The following MBOAT2 variants were observed in gnomAD, a reference collection of about 807,000 sequenced individuals.
MBOAT2 encodes membrane bound glycerophospholipid O-acyltransferase 2, also known as membrane-bound glycerophospholipid O-acyltransferase 2.
A neutral mutation model predicts 63.4 loss-of-function variants in MBOAT2; 28 were observed. The observed-to-expected ratio is 0.44, with a 90% CI of 0.33 to 0.61. The LOEUF (loss-of-function observed/expected upper bound fraction) is 0.61, where lower values mean the gene tolerates loss of function less well. Among genes scored for constraint, MBOAT2 ranks in the 20% least tolerant of loss-of-function variants. The pLI is 0.03. For synonymous variants in MBOAT2, 211 were observed against 215.6 expected (o/e 0.98, Z 0.19); for missense variants, 470 against 605.8 (o/e 0.78, Z 2.35).
chr2:8,882,238 G>A (rs1251571089), intron 6 of MBOAT2, among the ~76,000 whole-genome samples: 3 of 152,238 alleles, frequency 2.0e-5, no homozygotes, highest in Admixed American at 1.3e-4. Flanking sequence ...GGAACTCAGA[G>A]TCTCATAGGG....
At chr2:8,937,257 A>G (rs1469799330) in intron 3 of MBOAT2, among the ~76,000 whole-genome samples, 1 of 152,232 alleles carries the variant, frequency 6.6e-6, no homozygotes, top group African/African-American at 2.4e-5. Flanking sequence ...GGCAGGGGCC[A>G]TGGCTGGGAA....
chr2:8,877,817 G>A (rs956415390), intron 6 of MBOAT2, among the ~76,000 whole-genome samples: 1 of 152,048 alleles, frequency 6.6e-6, no homozygotes, highest in African/African-American at 2.4e-5. Flanking sequence ...CCAGGCAGAG[G>A]GAATGATGCG....
At chr2:8,931,844 T>C (rs939199168) in intron 3 of MBOAT2, among the ~76,000 whole-genome samples, 5 of 152,206 alleles carry the variant, frequency 3.3e-5, no homozygotes, top group African/African-American at 1.2e-4. Context: ...AAATAGGGAA[T>C]CCTTTCCCCG....
chr2:8,910,635 A>G (rs1000876488), intron 3 of MBOAT2, among the ~76,000 whole-genome samples: 3 of 152,166 alleles, frequency 2.0e-5, no homozygotes, highest in Non-Finnish European at 4.4e-5. Context: ...CTGATAGATA[A>G]AAAAAAGTTT....
intron 3 of MBOAT2, among the ~76,000 whole-genome samples, chr2:8,918,316 C>G (rs2148604690): frequency 6.6e-6 from 1 of 152,322 alleles, no homozygotes; most frequent in Non-Finnish European, 1.5e-5. Context: ...CAGTTTGCAT[C>G]TTTTCTCCAT....
chr2:8,896,272 GTGT>G (rs1371637413), intron 4 of MBOAT2, among the ~76,000 whole-genome samples: 1 of 151,694 alleles, frequency 6.6e-6, no homozygotes, highest in East Asian at 1.9e-4. Context: ...GTTGTGAAAG[GTGT>G]TGTCTGATTG....
intron 4 of MBOAT2, 156 bp downstream of exon 4, chr2:8,908,461 CTACT>C: frequency 1.8e-6 from 1 of 559,920 alleles, no homozygotes; most frequent in South Asian, 2.6e-5. Flanking sequence ...ACTAAAAAGA[CTACT>C]TACAAGAGAG....
chr2:8,979,437 T>C (rs1184131589), intron 1 of MBOAT2, among the ~76,000 whole-genome samples: 1 of 152,124 alleles, frequency 6.6e-6, no homozygotes, highest in Non-Finnish European at 1.5e-5. Context: ...GATGAATGAT[T>C]TTCTAGGAAA....
chr2:8,968,840 A>T lies in MBOAT2; in HGVS notation c.76-10198T>A, dbSNP rs889737784. ...GAGAACTTTAGAGAAAAAAGAGTAA[A>T]AAGAAACGAAAAAAGCCTCCAAGAA... On this transcript the variant is annotated intron_variant, in intron 1 of 12. Transcript: ENST00000305997. Among the ~76,000 whole-genome samples, 82 of 152,226 alleles carry T rather than the reference A, an allele frequency of 5.4e-4. 1 individual carries two copies. Among genetic ancestry groups the T allele is most frequent in the African/African-American group, 1.8e-3 (73 of 41,458 alleles).
intron 1 of MBOAT2, among the ~76,000 whole-genome samples, chr2:9,002,940 T>C (rs1672808654): frequency 6.6e-6 from 1 of 152,216 alleles, no homozygotes; most frequent in African/African-American, 2.4e-5. Flanking sequence ...TCCCACAAAC[T>C]GTTGCCTCTG....
In MBOAT2 at chr2:8,869,907, C is replaced by T. The variant is rs1662188210; in HGVS notation, c.884-1358G>A. Among the ~76,000 whole-genome samples, 2 of 152,142 alleles carry T rather than the reference C, an allele frequency of 1.3e-5. 1 individual carries two copies. Among genetic ancestry groups the T allele is most frequent in the South Asian group, 4.1e-4 (2 of 4,830 alleles). On this transcript the variant is annotated intron_variant, in intron 8 of 12. Transcript: ENST00000305997. Reference sequence around the variant, plus strand: ...CTGTGATCTAAGAGCAATGAAACTCCTAACCAACTTCACAAGTGACAACAA... The same window carrying T: ...CTGTGATCTAAGAGCAATGAAACTCTTAACCAACTTCACAAGTGACAACAA...
chr2:8,997,453 AT>A (rs1007117117), intron 1 of MBOAT2, among the ~76,000 whole-genome samples: 2 of 152,210 alleles, frequency 1.3e-5, no homozygotes, highest in African/African-American at 4.8e-5. Flanking sequence ...TCAAAACTAG[AT>A]TTTAATCCTA....
chr2:8,969,894 G>T (rs1352115160), intron 1 of MBOAT2, among the ~76,000 whole-genome samples: 1 of 152,150 alleles, frequency 6.6e-6, no homozygotes, highest in Non-Finnish European at 1.5e-5. Flanking sequence ...CCTACAAACA[G>T]ACTTAGACTC....
At chr2:8,973,520 AAAAT>A (rs753409160) in intron 1 of MBOAT2, among the ~76,000 whole-genome samples, 19 of 151,340 alleles carry the variant, frequency 1.3e-4, no homozygotes, top group East Asian at 3.9e-4. Flanking sequence ...AAGTATAATA[AAAAT>A]AAATAAATAA....
intron 3 of MBOAT2, among the ~76,000 whole-genome samples, chr2:8,928,149 C>A (rs529545405): frequency 6.6e-6 from 1 of 152,114 alleles, no homozygotes; most frequent in Non-Finnish European, 1.5e-5. Flanking sequence ...TGAGAACCTG[C>A]CCCCGATCCA....
intron 2 of MBOAT2, among the ~76,000 whole-genome samples, chr2:8,945,001 T>C (rs1473544872): frequency 1.3e-5 from 2 of 152,194 alleles, no homozygotes; most frequent in Non-Finnish European, 2.9e-5. Context: ...AAGTGTTCCT[T>C]TGCTACGTTA....
At chr2:8,937,729 G>C (rs943195069) in intron 3 of MBOAT2, among the ~76,000 whole-genome samples, 3 of 152,148 alleles carry the variant, frequency 2.0e-5, no homozygotes, top group Non-Finnish European at 2.9e-5. Context: ...TGGAGAACAA[G>C]GCAAAGGAGT....
chr2:8,911,801 T>C (rs1665728117), intron 3 of MBOAT2, among the ~76,000 whole-genome samples: 1 of 152,140 alleles, frequency 6.6e-6, no homozygotes, highest in Admixed American at 6.6e-5. Context: ...TGTTGAACTT[T>C]GTAACCATCA....
At chr2:8,876,371 T>C (rs1324231859) in intron 7 of MBOAT2, among the ~76,000 whole-genome samples, 1 of 152,214 alleles carries the variant, frequency 6.6e-6, no homozygotes. Flanking sequence ...AGAAAAACAG[T>C]GTCTACCTTG....
Sources: gnomAD v4.1 joint callset for allele counts (sites outside exome capture counted in the v4.1 genomes callset) on GRCh38, gnomAD v4.1.1 for gene constraint, MANE v1.5 for transcripts, NCBI Gene and HGNC (gene_info 2026-07-23, HGNC 2026-07-21) for gene names.